ZNF799: variants seen among roughly 807,000 people sequenced by gnomAD.
ZNF799 encodes the protein zinc finger protein 14.
Under a neutral mutation model 41.0 loss-of-function variants are expected in ZNF799, and 28 were observed. The observed-to-expected ratio is 0.68, with a 90% CI of 0.51 to 0.94. The LOEUF (loss-of-function observed/expected upper bound fraction) is 0.94, where lower values mean the gene tolerates loss of function less well. Among genes scored for constraint, ZNF799 ranks in the 40% least tolerant of loss-of-function variants. ZNF799 has a pLI of 0.00. For synonymous variants in ZNF799, 213 were observed against 252.9 expected (o/e 0.84, Z 1.50); for missense variants, 716 against 764.3 (o/e 0.94, Z 0.74).
At chr19:12,393,616 T>G (rs1969857223) in intron 1 of ZNF799, 193 bp from the exon 2 acceptor site, 1 of 1,455,616 alleles carries the variant, frequency 6.9e-7, no homozygotes, top group Non-Finnish European at 9.0e-7. Context: ...TTAAACATGT[T>G]TGGTAAATTA....
At position 12,390,337 on chromosome 19, in the gene ZNF799, T is replaced by C. The variant is rs1435899783; in HGVS notation, c.*129A>G. The C allele has an allele frequency of 3.9e-6, 6 of 1,553,740 alleles. No homozygotes were observed. The highest frequency in any genetic ancestry group is 2.5e-5 in the South Asian group (2 of 81,032). ...AGGGATGACTGTACTGGAAAGAAAC[T>C]GAAATTACTTAAGGTTTTACCAAGT... On this transcript the variant is annotated 3_prime_UTR_variant, in exon 4 of 4. Transcript: ENST00000430385.
At position 12,390,854 on chromosome 19, in the gene ZNF799, T is replaced by C. The variant is rs1568500385; in HGVS notation, c.1544A>G (p.His515Arg). The change falls in exon 4 of 4, where the codon CAT becomes CGT. Residue 515 changes from histidine (H) to arginine (R), a missense_variant. Physicochemically the swap from His to Arg is conservative, Grantham distance 29. This residue lies in a region of ZNF799 where 698 missense variants were observed against 713.6 expected (regional missense o/e 0.98). Coordinates refer to ENST00000430385, the MANE Select transcript of ZNF799 (RefSeq NM_001080821.3). ...ECNTCKKAFS[H>R]FGNLKVHERI... ...TTCATGTACTTTTAAGTTACCAAAA[T>C]GACTGAAGGCTTTCTTACATGTGTT... The C allele has an allele frequency of 4.3e-6, 7 of 1,614,162 alleles. No individual in the cohort carries two copies. The highest frequency in any genetic ancestry group is 5.9e-6 in the Non-Finnish European group (7 of 1,180,004).
At chr19:12,410,596 G>A in the ZNF799 span, among the ~76,000 whole-genome samples, 2 of 151,986 alleles carry the variant, frequency 1.3e-5, no homozygotes, top group African/African-American at 4.8e-5. Context: ...AAATCACTCA[G>A]AGGAAAATTA....
the ZNF799 span, among the ~76,000 whole-genome samples, chr19:12,413,309 C>T: frequency 6.6e-6 from 1 of 152,170 alleles, no homozygotes; most frequent in African/African-American, 2.4e-5. Context: ...GAGTCCCCCT[C>T]CCTTCTCCTA....
At chr19:12,403,695 G>A (rs901503573), upstream of ZNF799, among the ~76,000 whole-genome samples, 3 of 152,046 alleles carry the variant, frequency 2.0e-5, no homozygotes, top group African/African-American at 7.2e-5. Flanking sequence ...TGAGATTACA[G>A]GCACCCACCA....
intron 1 of ZNF799, among the ~76,000 whole-genome samples, chr19:12,396,892 G>T (rs1387635056): frequency 1.3e-5 from 2 of 151,684 alleles, no homozygotes; most frequent in African/African-American, 4.8e-5. Context: ...TCAGAGAGAA[G>T]AAAAATGATA....
Position 12,401,205 on chromosome 19 carries a change from G to A in ZNF799, c.-135C>T, listed in dbSNP as rs905622006. ...AGCCGAGCACCGAGCGCCCAGCGCAGGTGGGTGGAGAAGACGCCGCGGGCT... is the reference window on the plus strand; with the variant it reads ...AGCCGAGCACCGAGCGCCCAGCGCAAGTGGGTGGAGAAGACGCCGCGGGCT... On this transcript the variant is annotated 5_prime_UTR_variant, in exon 1 of 4. Coordinates refer to ENST00000430385, the MANE Select transcript of ZNF799 (RefSeq NM_001080821.3). 8.1e-5 allele frequency: 126 copies of A among 1,546,508 alleles called. No homozygotes were observed. The Admixed American group carries it at 2.0e-3, about 25-fold the overall frequency.
intron 1 of ZNF799, among the ~76,000 whole-genome samples, chr19:12,397,514 A>G (rs1969912759): frequency 6.7e-6 from 1 of 149,786 alleles, no homozygotes; most frequent in South Asian, 2.1e-4. Context: ...ATAGTTAACT[A>G]TGATTGCTCC....
chr19:12,401,037 C>A, intron 1 of ZNF799, 31 bp downstream of exon 1: 1 of 1,614,012 alleles, frequency 6.2e-7, no homozygotes, highest in Non-Finnish European at 8.5e-7. Flanking sequence ...AGCCCCTCCC[C>A]CGCCTCGGGA....
upstream of ZNF799, among the ~76,000 whole-genome samples, chr19:12,401,569 C>CGAGAGAGAGA (rs142456121): frequency 9.4e-4 from 74 of 78,460 alleles, no homozygotes; most frequent in African/African-American, 3.7e-3. Flanking sequence ...TTTTTTTTTC[C>CGAGAGAGAGA]GAGAGAGAGA....
rs749239966 is a variant in ZNF799, at chr19:12,391,287, C to T, written c.1111G>A (p.Gly371Arg). The T allele has an allele frequency of 3.1e-6, 5 of 1,614,006 alleles. No homozygotes were observed. The highest frequency in any genetic ancestry group is 4.2e-6 in the Non-Finnish European group (5 of 1,180,004). ...GEKLYECKQCGKALSHSSSFR... is the reference protein window; with the variant it reads ...GEKLYECKQCRKALSHSSSFR... ...CTTGAGCTATGAGATAACGCTTTCC[C>T]ACACTGCTTGCATTCATAGAGTTTC... Residue 371 changes from glycine to arginine, a missense_variant, in exon 4 of 4, where the codon GGG (glycine) becomes AGG (arginine). By Grantham distance (125) the Gly-to-Arg change is moderately radical. This residue lies in a region of ZNF799 where 698 missense variants were observed against 713.6 expected (regional missense o/e 0.98). Coordinates refer to ENST00000430385, the MANE Select transcript of ZNF799 (RefSeq NM_001080821.3).
intron 1 of ZNF799, 22 bp downstream of exon 1, chr19:12,401,046 G>T (rs369451873): frequency 6.2e-7 from 1 of 1,614,006 alleles, no homozygotes; most frequent in African/African-American, 1.3e-5. Flanking sequence ...CCCGCCTCGG[G>T]ACGCCGGCCC....
chr19:12,405,656 G>A (rs1394010619), upstream of ZNF799, among the ~76,000 whole-genome samples: 1 of 152,162 alleles, frequency 6.6e-6, no homozygotes, highest in Non-Finnish European at 1.5e-5. Flanking sequence ...AGACATCAGT[G>A]TCTACAATGA....
chr19:12,413,047 C>CAAAAAAAAAAAAAAAAAAAAAA, the ZNF799 span, among the ~76,000 whole-genome samples: 1 of 62,888 alleles, frequency 1.6e-5, no homozygotes, highest in Non-Finnish European at 3.1e-5. Flanking sequence ...ACTCCGTCTC[C>CAAAAAAAAAAAAAAAAAAAAAA]AAAAAAAAAA....
the ZNF799 span, among the ~76,000 whole-genome samples, chr19:12,406,574 C>G: frequency 6.6e-6 from 1 of 151,184 alleles, no homozygotes; most frequent in Non-Finnish European, 1.5e-5. Flanking sequence ...AAAAGAAAAC[C>G]AGAAAACAGA....
At chr19:12,401,352 C>A (rs1481161427), upstream of ZNF799, 1 of 919,364 alleles carries the variant, frequency 1.1e-6, no homozygotes, top group East Asian at 2.9e-5. Context: ...ACAGAAGAAG[C>A]GATCTTGCAC....
chr19:12,402,917 T>G (rs984127146), upstream of ZNF799, among the ~76,000 whole-genome samples: 1 of 152,226 alleles, frequency 6.6e-6, no homozygotes, highest in African/African-American at 2.4e-5. Flanking sequence ...TGTCTTTGTC[T>G]GGTTTTGGTG....
chr19:12,391,576 A>C lies in ZNF799; in HGVS notation c.822T>G (p.Thr274=), dbSNP rs1394509674. The change falls in exon 4 of 4, where the codon ACT becomes ACG. Residue 274 remains threonine, a synonymous_variant. Transcript: ENST00000430385. ...DYSSCLRHER[T]HTGKKPYTCK... ...ATGTATAGGGTTTCTTTCCAGTGTG[A>C]GTTCTTTCATGTCTTAGACAAGAAC... 6.2e-7 allele frequency: 1 copy of C among 1,614,032 alleles called. No homozygotes were observed. The highest frequency in any genetic ancestry group is 8.5e-7 in the Non-Finnish European group (1 of 1,180,014).
the ZNF799 span, among the ~76,000 whole-genome samples, chr19:12,408,394 C>T: frequency 7.9e-5 from 12 of 152,020 alleles, no homozygotes; most frequent in African/African-American, 2.9e-4. Context: ...TACATATGTA[C>T]GTAGTAATCC....
Sources: allele counts gnomAD v4.1 joint callset (sites outside exome capture counted in the v4.1 genomes callset), GRCh38; gene constraint gnomAD v4.1.1; regional missense constraint gnomAD v4.1.1; transcripts MANE v1.5; gene names NCBI Gene and HGNC (gene_info 2026-07-23, HGNC 2026-07-21).